Variants in MAD1L1 observed in about 807,000 individuals in gnomAD.
MAD1L1 encodes the protein mitotic arrest deficient 1 like 1.
MAD1L1 carries 95 observed loss-of-function variants against 96.9 expected under a neutral mutation model. That is an observed-to-expected ratio of 0.98 (90% CI 0.83 to 1.16). The LOEUF is 1.16. MAD1L1 is among the 50% of genes most tolerant of loss of function. The pLI is 0.00. For synonymous variants in MAD1L1, 473 were observed against 396.6 expected (o/e 1.19, Z -2.29); for missense variants, 1,007 against 954.4 (o/e 1.06, Z -0.73).
At chr7:2,098,546 T>C (rs1387194965) in intron 11 of MAD1L1, among the ~76,000 whole-genome samples, 1 of 152,150 alleles carries the variant, frequency 6.6e-6, no homozygotes, top group Non-Finnish European at 1.5e-5. Context: ...TATGGTCTCT[T>C]GCCTGGTTAA....
At chr7:2,164,237 C>T (rs913440894) in intron 10 of MAD1L1, among the ~76,000 whole-genome samples, 4 of 152,208 alleles carry the variant, frequency 2.6e-5, no homozygotes, top group Non-Finnish European at 4.4e-5. Flanking sequence ...ATTCTAACAT[C>T]CTCAGGCACT....
At chr7:2,089,278 T>C (rs1786086392) in intron 11 of MAD1L1, 1 of 152,306 alleles carries the variant, frequency 6.6e-6, no homozygotes, top group African/African-American at 2.4e-5. Flanking sequence ...CCACAGGCTG[T>C]GGGAGGGACC....
Position 2,114,497 on chromosome 7 carries a change from G to A in MAD1L1, c.1073+34655C>T, listed in dbSNP as rs761563716. Among the ~76,000 whole-genome samples the A allele has an allele frequency of 3.9e-5, 6 of 152,208 alleles. No individual in the cohort carries two copies. The highest frequency in any genetic ancestry group is 7.3e-5 in the Non-Finnish European group (5 of 68,048). ...TGCGAGAAATGAAAGCCTGGCTGCC[G>A]GGATCAATCTTGCGGGTCACCTCCC... On this transcript the variant is annotated intron_variant, in intron 11 of 18. Coordinates refer to ENST00000265854, the MANE Select transcript of MAD1L1 (RefSeq NM_001013836.2). This position sits in a 1 kb window ranked among gnomAD's most constrained non-coding sequence, Gnocchi z 4.2.
intron 10 of MAD1L1, among the ~76,000 whole-genome samples, chr7:2,187,684 GAAGA>G (rs1039377434): frequency 3.1e-4 from 47 of 152,336 alleles, no homozygotes; most frequent in African/African-American, 1.1e-3. Flanking sequence ...CATTCTGTGT[GAAGA>G]AATAGAAAGC....
intron 12 of MAD1L1, among the ~76,000 whole-genome samples, chr7:2,029,351 T>G (rs1033484105): frequency 1.3e-5 from 2 of 152,118 alleles, no homozygotes; most frequent in Non-Finnish European, 2.9e-5. Flanking sequence ...TTCACAACAT[T>G]TTTAAATGGG....
At chr7:1,951,307 G>A (rs184114672) in intron 16 of MAD1L1, among the ~76,000 whole-genome samples, 1 of 152,264 alleles carries the variant, frequency 6.6e-6, no homozygotes, top group Non-Finnish European at 1.5e-5. Context: ...AGGAAGGCAG[G>A]AGTGACCGAA....
At chr7:1,887,397 G>A (rs1786129914) in intron 18 of MAD1L1, among the ~76,000 whole-genome samples, 1 of 130,332 alleles carries the variant, frequency 7.7e-6, no homozygotes, top group Non-Finnish European at 1.6e-5. Flanking sequence ...ATGCATGTAT[G>A]TGGCTGCCTG....
intron 13 of MAD1L1, among the ~76,000 whole-genome samples, chr7:2,013,778 C>T (rs970417979): frequency 6.6e-6 from 1 of 152,206 alleles, no homozygotes; most frequent in East Asian, 1.9e-4. Flanking sequence ...TAGGAGCCCC[C>T]GGCCCCAGTG....
At chr7:1,961,891 G>C (rs559810786) in intron 15 of MAD1L1, among the ~76,000 whole-genome samples, 2 of 150,192 alleles carry the variant, frequency 1.3e-5, no homozygotes, top group African/African-American at 4.9e-5. Context: ...CATGGTGGGA[G>C]ATAATGAATC....
intron 16 of MAD1L1, among the ~76,000 whole-genome samples, chr7:1,941,351 C>T (rs893553496): frequency 6.6e-6 from 1 of 152,334 alleles, no homozygotes; most frequent in East Asian, 1.9e-4. Flanking sequence ...AGGTTTCCCC[C>T]CTGATGGGGG....
chr7:2,035,239 G>A (rs1279940020), intron 12 of MAD1L1, among the ~76,000 whole-genome samples: 3 of 140,058 alleles, frequency 2.1e-5, no homozygotes, highest in Non-Finnish European at 4.5e-5. Flanking sequence ...CGGAGTCCAG[G>A]CTCCCAGGCA....
At position 2,205,084 on chromosome 7, in the gene MAD1L1, CTTTT is replaced by C. The variant is rs56101356; in HGVS notation, c.986+8124_986+8127del. Among the ~76,000 whole-genome samples, 507 of 103,864 alleles carry C rather than the reference CTTTT, an allele frequency of 4.9e-3. 4 individuals are homozygous for C. Among genetic ancestry groups the C allele is most frequent in the African/African-American group, 0.016 (454 of 27,910 alleles). The allele number at this position is 103,864 out of a possible 152,430, so 68.1% of individuals were successfully genotyped here. ...TGCTTCTAACCTCACAGGATCTTTTCTTTTTTTTTTTTTTTTTTTTTTTGCTTAT... is the reference window on the plus strand; with the variant it reads ...TGCTTCTAACCTCACAGGATCTTTTCTTTTTTTTTTTTTTTTTTTGCTTAT... On this transcript the variant is annotated intron_variant, in intron 10 of 18. Coordinates refer to ENST00000265854, the MANE Select transcript of MAD1L1 (RefSeq NM_001013836.2).
At chr7:1,873,690 G>T (rs1785228610) in intron 18 of MAD1L1, among the ~76,000 whole-genome samples, 1 of 152,090 alleles carries the variant, frequency 6.6e-6, no homozygotes, top group Admixed American at 6.5e-5. Flanking sequence ...CACCATGGGG[G>T]AGTGGGCACC....
chr7:1,953,487 G>GTC (rs1779591174), intron 16 of MAD1L1, among the ~76,000 whole-genome samples: 11 of 152,158 alleles, frequency 7.2e-5, no homozygotes, highest in Non-Finnish European at 2.9e-5. Context: ...CAAGCACCAT[G>GTC]ATGAGGCCAC....
chr7:2,049,951 T>C (rs191949476), intron 12 of MAD1L1, among the ~76,000 whole-genome samples: 2 of 146,720 alleles, frequency 1.4e-5, no homozygotes, highest in Non-Finnish European at 3.0e-5. Flanking sequence ...ACAAGGAACC[T>C]CACCCAACGT....
At chr7:2,094,691 G>A (rs1005133298) in intron 11 of MAD1L1, among the ~76,000 whole-genome samples, 20 of 151,782 alleles carry the variant, frequency 1.3e-4, no homozygotes, top group Admixed American at 1.3e-4. Context: ...GGACAGGAGC[G>A]TGGATGGCAG....
At chr7:2,162,870 A>ATTTTTTTTTTTTTT (rs1230584718) in intron 10 of MAD1L1, among the ~76,000 whole-genome samples, 1 of 147,594 alleles carries the variant, frequency 6.8e-6, no homozygotes, top group African/African-American at 2.5e-5. Flanking sequence ...TTGGAGTTTC[A>ATTTTTTTTTTTTTT]TCTTTTTTTT....
intron 7 of MAD1L1, among the ~76,000 whole-genome samples, chr7:2,216,640 G>C (rs1342748696): frequency 6.6e-6 from 1 of 152,208 alleles, no homozygotes; most frequent in Non-Finnish European, 1.5e-5. Flanking sequence ...GTCCAGGCAG[G>C]TTCATCACCG....
intron 12 of MAD1L1, among the ~76,000 whole-genome samples, chr7:2,067,598 C>A (rs968745754): frequency 6.8e-5 from 9 of 132,978 alleles, no homozygotes; most frequent in African/African-American, 3.3e-4. Context: ...AGTGGTCAGC[C>A]CAAACCCCCG....
Sources: allele counts gnomAD v4.1 joint callset (sites outside exome capture counted in the v4.1 genomes callset), GRCh38; gene constraint gnomAD v4.1.1; non-coding constraint Gnocchi (gnomAD v3.1); transcripts MANE v1.5; gene names NCBI Gene and HGNC (gene_info 2026-07-23, HGNC 2026-07-21).